The following SLC38A11 variants were observed in gnomAD, a reference collection of about 807,000 sequenced individuals.
SLC38A11 encodes putative sodium-coupled neutral amino acid transporter 11.
SLC38A11 carries 51 observed loss-of-function variants against 49.4 expected under a neutral mutation model. The observed-to-expected ratio is 1.03, with a 90% CI of 0.83 to 1.30. The LOEUF (loss-of-function observed/expected upper bound fraction) is 1.30. Among genes scored for constraint, SLC38A11 ranks in the 50% most tolerant of loss-of-function variants. The pLI is 0.00. For synonymous variants in SLC38A11, 203 were observed against 192.9 expected (o/e 1.05, Z -0.43); for missense variants, 574 against 556.2 (o/e 1.03, Z -0.32).
At chr2:164,916,386 C>T (rs1056276721) in intron 7 of SLC38A11, among the ~76,000 whole-genome samples, 1 of 151,846 alleles carries the variant, frequency 6.6e-6, no homozygotes, top group African/African-American at 2.4e-5. Flanking sequence ...CTTAACCTAC[C>T]CAAGAAAAAT....
At chr2:164,902,374 T>A (rs1311664740) in intron 11 of SLC38A11, among the ~76,000 whole-genome samples, 1 of 152,146 alleles carries the variant, frequency 6.6e-6, no homozygotes, top group African/African-American at 2.4e-5. Flanking sequence ...CAAATGTTGT[T>A]CTCTGAAATA....
At chr2:164,924,915 C>T (rs972145462) in intron 7 of SLC38A11, among the ~76,000 whole-genome samples, 3 of 151,906 alleles carry the variant, frequency 2.0e-5, no homozygotes, top group African/African-American at 7.3e-5. Flanking sequence ...TTTGTATCCG[C>T]GCCCAGCTAA....
At chr2:164,943,213 A>G (rs187985766) in intron 5 of SLC38A11, among the ~76,000 whole-genome samples, 5 of 152,214 alleles carry the variant, frequency 3.3e-5, no homozygotes, top group African/African-American at 1.2e-4. Context: ...TGATCTCTGA[A>G]TTATTATAAA....
At chr2:164,948,905 T>TTC (rs1553504850) in intron 3 of SLC38A11, among the ~76,000 whole-genome samples, 58 of 147,912 alleles carry the variant, frequency 3.9e-4, no homozygotes, top group South Asian at 1.5e-3. Flanking sequence ...TTTTTTTTTT[T>TTC]CATAAATACT....
intron 11 of SLC38A11, among the ~76,000 whole-genome samples, chr2:164,899,543 T>C (rs951073751): frequency 1.3e-5 from 2 of 152,162 alleles, no homozygotes; most frequent in Non-Finnish European, 2.9e-5. Context: ...TGTTAACATT[T>C]AATGCATTTT....
At chr2:164,902,327 G>A (rs981958778) in intron 11 of SLC38A11, among the ~76,000 whole-genome samples, 1 of 152,000 alleles carries the variant, frequency 6.6e-6, no homozygotes, top group Non-Finnish European at 1.5e-5. Context: ...AGCTGTTCAT[G>A]TGGTTTTAGT....
At chr2:164,919,197 G>A (rs1336254588) in intron 7 of SLC38A11, among the ~76,000 whole-genome samples, 1 of 152,032 alleles carries the variant, frequency 6.6e-6, no homozygotes, top group Non-Finnish European at 1.5e-5. Flanking sequence ...AGGCATGATG[G>A]TGTGTGCCTA....
In SLC38A11 at chr2:164,920,103, G is replaced by A. The variant is rs932444888; in HGVS notation, c.618-4130C>T. Among the ~76,000 whole-genome samples, 6 of 151,874 alleles carry A rather than the reference G, an allele frequency of 4.0e-5. No individual in the cohort carries two copies. In the East Asian group the frequency reaches 7.7e-4, roughly 20 times the overall value. ...AGCCTGACCAACATGGTGAAACCCC[G>A]TCTGTACTAAAAATACAAAAATTAG... On this transcript the variant is annotated intron_variant, in intron 7 of 11. Coordinates refer to ENST00000685975, the MANE Select transcript of SLC38A11 (RefSeq NM_001351537.2).
At chr2:164,947,117 C>CTCTTTTTTTTTTTTTTTTTTTTTTT (rs1688168614) in intron 3 of SLC38A11, among the ~76,000 whole-genome samples, 1 of 72,902 alleles carries the variant, frequency 1.4e-5, no homozygotes, top group Non-Finnish European at 2.4e-5. Context: ...TTTTTTATCT[C>CTCTTTTTTTTTTTTTTTTTTTTTTT]TTTTTTTTTT....
chr2:164,950,026 G>A (rs1688415555), intron 3 of SLC38A11: 1 of 152,216 alleles, frequency 6.6e-6, no homozygotes, highest in South Asian at 2.1e-4. Flanking sequence ...TGATGAGAAA[G>A]TAGACAGATG....
Position 164,908,733 on chromosome 2 carries a change from C to T in SLC38A11, c.1002G>A (p.Ser334=), listed in dbSNP as rs143347603. 28 of 1,610,160 alleles carry T rather than the reference C, an allele frequency of 1.7e-5. No homozygotes were observed. The African/African-American group carries it at 2.3e-4, about 13-fold the overall frequency. ...ANVFFGGNLS[S]VFHIVVTVMV... is the part of the protein sequence containing the mutation. ...TCACTGTTACAACAATGTGGAAAACCGATGAAAGATTCCCACCAAAAAACA... is the reference window on the plus strand; with the variant it reads ...TCACTGTTACAACAATGTGGAAAACTGATGAAAGATTCCCACCAAAAAACA... Residue 334 remains serine, a synonymous_variant, in exon 11 of 12, where the codon TCG becomes TCA. Coordinates refer to ENST00000685975, the MANE Select transcript of SLC38A11 (RefSeq NM_001351537.2).
intron 7 of SLC38A11, among the ~76,000 whole-genome samples, chr2:164,935,506 CA>C (rs35788781): frequency 0.086 from 8,956 of 103,718 alleles, 272 homozygotes; most frequent in Admixed American, 0.13. Context: ...TCCATCTCTA[CA>C]AAAAAAAAAA....
chr2:164,896,621 G>T lies in SLC38A11; in HGVS notation c.*1816C>A, dbSNP rs949329858. 1 of 151,836 alleles carries T rather than the reference G, an allele frequency of 6.6e-6. No individual in the cohort carries two copies. The highest frequency in any genetic ancestry group is 1.5e-5 in the Non-Finnish European group (1 of 67,968). The allele number at this position is 151,836 out of a possible 1,614,324, so 9.4% of individuals were successfully genotyped here. A position where few individuals can be genotyped will look rare whatever the true frequency, so the allele number is the denominator to read the frequency against. Reference sequence around the variant, plus strand: ...TAAACATGTACCAATCTAAAAACAGGCACAAACTGCTTAGCCTATGACCCT... The same window carrying T: ...TAAACATGTACCAATCTAAAAACAGTCACAAACTGCTTAGCCTATGACCCT... On this transcript the variant is annotated 3_prime_UTR_variant, in exon 12 of 12. Transcript: ENST00000685975.
Position 164,911,729 on chromosome 2 carries a change from G to A in SLC38A11, c.870C>T (p.Tyr290=). 2 of 1,601,286 alleles carry A rather than the reference G, an allele frequency of 1.2e-6. No homozygotes were observed. Among genetic ancestry groups the A allele is most frequent in the Non-Finnish European group, 1.7e-6 (2 of 1,173,286 alleles). ...ATGTTACCAGGTCATCATTTCTGCA[G>A]TAATTTTCAAATAAGTCCCCTAGAT... ...GFTQGDLFEN[Y]CRNDDLVTFG... The change falls in exon 10 of 12, where the codon TAC becomes TAT. Residue 290 remains tyrosine (Y), a synonymous_variant. Coordinates refer to ENST00000685975, the MANE Select transcript of SLC38A11 (RefSeq NM_001351537.2).
intron 3 of SLC38A11, among the ~76,000 whole-genome samples, chr2:164,948,889 T>C (rs1574013115): frequency 1.0e-5 from 1 of 98,736 alleles, no homozygotes; most frequent in African/African-American, 5.1e-5. Flanking sequence ...GCTAACTCAC[T>C]TTTTTTTTTT....
rs185158875 is a variant in SLC38A11 at position 164,919,610 on chromosome 2, G to T, written c.618-3637C>A. 8.5e-5 allele frequency among the ~76,000 whole-genome samples: 13 copies of T among 152,254 alleles called. 1 individual carries two copies. The East Asian group carries it at 2.5e-3, about 29-fold the overall frequency. The stretch of plus-strand genomic sequence containing the variant: ...CCATTGGATATCAAAAGCCATGGAT[G>T]CTCAAGTCCCTGATATAAAATGGTT... On this transcript the variant is annotated intron_variant, in intron 7 of 11. Transcript: ENST00000685975.
chr2:164,926,867 G>A (rs976959233), intron 7 of SLC38A11, among the ~76,000 whole-genome samples: 1 of 121,516 alleles, frequency 8.2e-6, no homozygotes, highest in Non-Finnish European at 1.6e-5. Context: ...CTGTTGTGGG[G>A]TGGGGGGAGG....
intron 1 of SLC38A11, 73 bp downstream of exon 1, chr2:164,955,136 G>A (rs536526847): frequency 7.1e-7 from 1 of 1,406,470 alleles, no homozygotes; most frequent in Non-Finnish European, 9.8e-7. Flanking sequence ...GAAGGTAGGT[G>A]ACCTGACCTG....
chr2:164,919,236 G>A (rs1686010960), intron 7 of SLC38A11, among the ~76,000 whole-genome samples: 1 of 151,930 alleles, frequency 6.6e-6, no homozygotes, highest in Non-Finnish European at 1.5e-5. Flanking sequence ...AAGCTGTGAT[G>A]GGAGAATCAC....
Sources: allele counts gnomAD v4.1 joint callset (sites outside exome capture counted in the v4.1 genomes callset), GRCh38; gene constraint gnomAD v4.1.1; transcripts MANE v1.5; gene names NCBI Gene and HGNC (gene_info 2026-07-23, HGNC 2026-07-21).